ADAM28: variants seen among roughly 807,000 people sequenced by gnomAD.
ADAM28 encodes the protein ADAM metallopeptidase domain 28, also known as disintegrin and metalloproteinase domain-containing protein 28.
A neutral mutation model predicts 101.2 loss-of-function variants in ADAM28; 105 were observed. That is an observed-to-expected ratio of 1.04 (90% CI 0.89 to 1.22). The LOEUF (loss-of-function observed/expected upper bound fraction) is 1.22, where lower values mean the gene tolerates loss of function less well. Among genes scored for constraint, ADAM28 ranks in the 50% most tolerant of loss-of-function variants. ADAM28 has a pLI of 0.00. For missense variants in ADAM28, 1,028 were observed against 945.4 expected, an observed-to-expected ratio of 1.09 and a Z score of -1.15; for synonymous variants, 322 against 310.6, an observed-to-expected ratio of 1.04 and a Z score of -0.39.
chr8:24,332,965 A>G (rs1027959329), intron 13 of ADAM28, among the ~76,000 whole-genome samples: 10 of 152,280 alleles, frequency 6.6e-5, no homozygotes, highest in Admixed American at 5.9e-4. Context: ...TTTGTTTTTG[A>G]GAAAAAAATG....
chr8:24,308,326 C>G (rs1404129413), intron 2 of ADAM28, among the ~76,000 whole-genome samples: 1 of 152,184 alleles, frequency 6.6e-6, no homozygotes, highest in Non-Finnish European at 1.5e-5. Context: ...AGTGTACTCT[C>G]TTTCATAGAG....
At chr8:24,328,576 C>T (rs773499807) in intron 10 of ADAM28, among the ~76,000 whole-genome samples, 6 of 151,890 alleles carry the variant, frequency 4.0e-5, no homozygotes, top group Non-Finnish European at 5.9e-5. Context: ...TGCTACTTTA[C>T]GGAAGTAAAA....
intron 2 of ADAM28, among the ~76,000 whole-genome samples, chr8:24,306,359 AATAAATAT>A: frequency 1.9e-5 from 2 of 105,886 alleles, no homozygotes; most frequent in South Asian, 5.7e-4. Context: ...CAAATAAATA[AATAAATAT>A]ATATATATAT....
chr8:24,298,351 T>C (rs2129231008), intron 1 of ADAM28, among the ~76,000 whole-genome samples: 2 of 152,308 alleles, frequency 1.3e-5, no homozygotes, highest in Admixed American at 1.3e-4. Flanking sequence ...CCTTTTTCTG[T>C]TCTTCAAAGT....
chr8:24,316,128 T>G, intron 6 of ADAM28, among the ~76,000 whole-genome samples: 1 of 151,736 alleles, frequency 6.6e-6, no homozygotes, highest in Non-Finnish European at 1.5e-5. Flanking sequence ...CTTATTTTAT[T>G]CTCATAAAAT....
At chr8:24,330,327 CA>C (rs1813210344) in intron 11 of ADAM28, among the ~76,000 whole-genome samples, 1 of 152,156 alleles carries the variant, frequency 6.6e-6, no homozygotes, top group Non-Finnish European at 1.5e-5. Flanking sequence ...GGCAATTCAT[CA>C]TTTTATCCTC....
intron 18 of ADAM28, 90 bp from the exon 19 acceptor site, chr8:24,349,774 G>C (rs1449859614): frequency 4.3e-6 from 4 of 930,832 alleles, no homozygotes; most frequent in Middle Eastern, 3.1e-4. Flanking sequence ...AGGGTAGCTG[G>C]AATATGTGCT....
rs2129347251 is a variant in ADAM28, at chr8:24,355,087, T to G, written c.*683T>G. ...GGTGACCTGTAGGCCATGTTTGCAC[T>G]GCAAATATATTTGGTCTGAATGATA... On this transcript the variant is annotated 3_prime_UTR_variant, in exon 23 of 23. Coordinates refer to ENST00000265769, the MANE Select transcript of ADAM28 (RefSeq NM_014265.6). 1 of 152,714 alleles carries G rather than the reference T, an allele frequency of 6.5e-6. No individual in the cohort carries two copies. Among genetic ancestry groups the G allele is most frequent in the East Asian group, 1.9e-4 (1 of 5,192 alleles). The allele number at this position is 152,714 out of a possible 1,614,324, so 9.5% of individuals were successfully genotyped here. A position where few individuals can be genotyped will look rare whatever the true frequency, so the allele number is the denominator to read the frequency against.
chr8:24,336,580 CAAAAAAAAAAAAA>C (rs769016133), intron 14 of ADAM28, among the ~76,000 whole-genome samples: 1 of 61,642 alleles, frequency 1.6e-5, no homozygotes, highest in African/African-American at 6.3e-5. Flanking sequence ...ACTCCGTCTC[CAAAAAAAAAAAAA>C]AAAAAAGAAA....
At chr8:24,339,735 C>T (rs1261206438) in intron 15 of ADAM28, among the ~76,000 whole-genome samples, 167 bp downstream of exon 15, 1 of 152,088 alleles carries the variant, frequency 6.6e-6, no homozygotes, top group Non-Finnish European at 1.5e-5. Context: ...GGCTAGGTAC[C>T]GAGTCTAAAA....
intron 18 of ADAM28, among the ~76,000 whole-genome samples, chr8:24,346,366 C>A (rs75113938): frequency 6.6e-6 from 1 of 151,904 alleles, no homozygotes; most frequent in Admixed American, 6.6e-5. Flanking sequence ...TAATTACTGA[C>A]CTACTGTTAG....
At position 24,321,275 on chromosome 8, in the gene ADAM28, A is replaced by G; in HGVS notation, c.706A>G (p.Asn236Asp). 1.9e-6 allele frequency: 3 copies of G among 1,606,504 alleles called. No individual in the cohort carries two copies. Among genetic ancestry groups the G allele is most frequent in the Non-Finnish European group, 2.6e-6 (3 of 1,173,712 alleles). Residue 236 changes from asparagine to aspartate, a missense_variant, in exon 8 of 23, where the codon AAT (asparagine) becomes GAT (aspartate). Transcript: ENST00000265769. The part of the protein sequence containing the change: ...EIRKRVFEMA[N>D]YVNMLYKKLN... ...CAGAAAGAGGGTATTTGAGATGGCT[A>G]ATTATGTCAACATGGTAAGACATAT...
chr8:24,341,487 T>C, intron 15 of ADAM28, 111 bp from the exon 16 acceptor site: 1 of 1,113,020 alleles, frequency 9.0e-7, no homozygotes, highest in Non-Finnish European at 1.3e-6. Flanking sequence ...AAAGTACAAC[T>C]AAGAGTCTCG....
chr8:24,326,466 G>C, intron 9 of ADAM28, 88 bp from the exon 10 acceptor site: 1 of 1,242,502 alleles, frequency 8.0e-7, no homozygotes, highest in Non-Finnish European at 1.1e-6. Context: ...GAGTTTTTCT[G>C]CTAACCATTT....
At position 24,348,748 on chromosome 8, in the gene ADAM28, G is replaced by A. The variant is rs960114487; in HGVS notation, c.1991-1116G>A. Among the ~76,000 whole-genome samples the A allele has an allele frequency of 3.3e-5, 5 of 152,096 alleles. No individual in the cohort carries two copies. In the South Asian group the frequency reaches 6.2e-4, roughly 19 times the overall value. On this transcript the variant is annotated intron_variant, in intron 18 of 22. Transcript: ENST00000265769. ...TTCTATCTTCACCTGCAAACCTTCCGTTGTTATACTTCCATCTGTCCTGTG... is the reference window on the plus strand; with the variant it reads ...TTCTATCTTCACCTGCAAACCTTCCATTGTTATACTTCCATCTGTCCTGTG...
intron 6 of ADAM28, among the ~76,000 whole-genome samples, chr8:24,319,715 G>C (rs1473864778): frequency 6.6e-6 from 1 of 151,534 alleles, no homozygotes; most frequent in African/African-American, 2.4e-5. Flanking sequence ...CAGAACATTG[G>C]TAAGTTTGAA....
At chr8:24,350,436 C>T (rs1443249970) in intron 19 of ADAM28, among the ~76,000 whole-genome samples, 1 of 151,970 alleles carries the variant, frequency 6.6e-6, no homozygotes, top group Non-Finnish European at 1.5e-5. Flanking sequence ...ACCTCAGCCC[C>T]GAGTATCTGG....
intron 13 of ADAM28, among the ~76,000 whole-genome samples, chr8:24,334,850 T>C (rs888074649): frequency 4.6e-5 from 7 of 152,354 alleles, no homozygotes; most frequent in Admixed American, 2.0e-4. Context: ...TTTGCAGTAA[T>C]TGATTACAAC....
Position 24,343,573 on chromosome 8 carries a change from C to T in ADAM28, c.1979C>T (p.Ser660Leu). The T allele has an allele frequency of 6.2e-7, 1 of 1,613,736 alleles. No homozygotes were observed. The highest frequency in any genetic ancestry group is 8.5e-7 in the Non-Finnish European group (1 of 1,179,792). Residue 660 changes from serine (S) to leucine (L), a missense_variant, in exon 18 of 23, where the codon TCA becomes TTA. Coordinates refer to ENST00000265769, the MANE Select transcript of ADAM28 (RefSeq NM_014265.6). Reference protein sequence around the residue: ...GWIPPDCDDSSVVFHFSIVVG... With the variant: ...GWIPPDCDDSLVVFHFSIVVG... ...ATCCCTCCCGACTGCGATGACTCCT[C>T]AGTGGTCTTCCGTAGGTAACATTAC...
Sources: allele counts gnomAD v4.1 joint callset (sites outside exome capture counted in the v4.1 genomes callset), GRCh38; gene constraint gnomAD v4.1.1; transcripts MANE v1.5; gene names NCBI Gene and HGNC (gene_info 2026-07-23, HGNC 2026-07-21).